CDH13: variants seen among roughly 807,000 people sequenced by gnomAD.
CDH13 encodes the protein cadherin-13.
Under a neutral mutation model 63.8 loss-of-function variants are expected in CDH13, and 24 were observed. That is an observed-to-expected ratio of 0.38 (90% CI 0.27 to 0.53). The LOEUF (loss-of-function observed/expected upper bound fraction) is 0.53. Among genes scored for constraint, CDH13 ranks in the 20% least tolerant of loss-of-function variants. The pLI, the probability that CDH13 is intolerant of heterozygous loss-of-function variation, is 0.85. For synonymous variants in CDH13, 503 were observed against 355.3 expected, an observed-to-expected ratio of 1.42 and a Z score of -4.67; for missense variants, 1,049 against 903.1, an observed-to-expected ratio of 1.16 and a Z score of -2.07.
chr16:83,498,293 G>C (rs2074194736), intron 7 of CDH13, among the ~76,000 whole-genome samples: 1 of 152,130 alleles, frequency 6.6e-6, no homozygotes, highest in Non-Finnish European at 1.5e-5. Context: ...GAAATAAGGA[G>C]AATCAGAGGA....
chr16:83,323,767 C>G (rs929139864), intron 5 of CDH13, among the ~76,000 whole-genome samples: 1 of 152,226 alleles, frequency 6.6e-6, no homozygotes, highest in African/African-American at 2.4e-5. Flanking sequence ...CTGCACCCCT[C>G]TAGTAGATTC....
At chr16:83,557,042 A>G (rs1025972779) in intron 7 of CDH13, among the ~76,000 whole-genome samples, 1 of 152,210 alleles carries the variant, frequency 6.6e-6, no homozygotes, top group Non-Finnish European at 1.5e-5. Flanking sequence ...ACGAAGCTTC[A>G]TCTGTGTTTA....
chr16:83,528,139 C>T (rs949686274), intron 7 of CDH13, among the ~76,000 whole-genome samples: 2 of 152,200 alleles, frequency 1.3e-5, no homozygotes, highest in African/African-American at 4.8e-5. Flanking sequence ...TAATAATCCT[C>T]TTAATAGCAG....
At chr16:83,355,011 C>G (rs1256486579) in intron 6 of CDH13, among the ~76,000 whole-genome samples, 1 of 152,180 alleles carries the variant, frequency 6.6e-6, no homozygotes, top group Non-Finnish European at 1.5e-5. Flanking sequence ...AAAAAGTTTG[C>G]AGACCCCTGG....
rs373187235 is a variant in CDH13 at position 82,683,423 on chromosome 16, C to T, written c.45+56286C>T. 1.3e-4 allele frequency among the ~76,000 whole-genome samples: 20 copies of T among 152,308 alleles called. No individual in the cohort carries two copies. The East Asian group carries it at 3.9e-3, about 29-fold the overall frequency. On this transcript the variant is annotated intron_variant, in intron 1 of 13. Transcript: ENST00000567109. Reference sequence around the variant, plus strand: ...CAAAGTGGCCATGCCATGAATCTTCCATAGCCCGATGCAATGTCACCCCAG... The same window carrying T: ...CAAAGTGGCCATGCCATGAATCTTCTATAGCCCGATGCAATGTCACCCCAG...
intron 1 of CDH13, among the ~76,000 whole-genome samples, chr16:82,767,273 C>T (rs566312668): frequency 3.3e-5 from 5 of 152,318 alleles, no homozygotes; most frequent in Admixed American, 6.5e-5. Flanking sequence ...GCAGAAAGTT[C>T]CCTCAAGCCT....
intron 2 of CDH13, among the ~76,000 whole-genome samples, chr16:83,005,032 C>G (rs1463128998): frequency 6.6e-6 from 1 of 152,140 alleles, no homozygotes; most frequent in African/African-American, 2.4e-5. Flanking sequence ...CCTAATGCTC[C>G]CTTTCATTCC....
intron 2 of CDH13, among the ~76,000 whole-genome samples, chr16:83,024,310 T>TG (rs1915606198): frequency 6.6e-6 from 1 of 152,210 alleles, no homozygotes; most frequent in African/African-American, 2.4e-5. Context: ...ACCTGGCATA[T>TG]TCAACAGGTA....
At chr16:83,614,502 G>T (rs1344304501) in intron 8 of CDH13, among the ~76,000 whole-genome samples, 1 of 152,220 alleles carries the variant, frequency 6.6e-6, no homozygotes, top group Admixed American at 6.5e-5. Context: ...TCTGGGAAAT[G>T]CCTTCAAGGG....
chr16:83,076,672 C>A (rs1406488142), intron 3 of CDH13, among the ~76,000 whole-genome samples: 1 of 151,964 alleles, frequency 6.6e-6, no homozygotes, highest in Non-Finnish European at 1.5e-5. Flanking sequence ...CTCTATACAT[C>A]CACCTTACTT....
intron 7 of CDH13, among the ~76,000 whole-genome samples, chr16:83,548,558 G>C (rs77542252): frequency 0.021 from 3,180 of 152,244 alleles, 133 homozygotes; most frequent in African/African-American, 0.073. Context: ...CAAGGTGAAA[G>C]GTCATGCCAT....
intron 4 of CDH13, among the ~76,000 whole-genome samples, chr16:83,142,630 G>T (rs1359930667): frequency 6.6e-6 from 1 of 152,168 alleles, no homozygotes; most frequent in Non-Finnish European, 1.5e-5. Context: ...GATTAATTAA[G>T]TATTTGTTCA....
intron 11 of CDH13, among the ~76,000 whole-genome samples, chr16:83,753,586 T>C (rs929424133): frequency 6.6e-6 from 1 of 152,274 alleles, no homozygotes; most frequent in East Asian, 1.9e-4. Flanking sequence ...CTCAACTTTA[T>C]CCAAAGTGAG....
At chr16:83,580,194 G>C (rs1183257299) in intron 7 of CDH13, among the ~76,000 whole-genome samples, 3 of 152,138 alleles carry the variant, frequency 2.0e-5, no homozygotes, top group African/African-American at 4.8e-5. Flanking sequence ...AAGTGTAGCA[G>C]AGTGATTGGC....
At chr16:83,472,045 C>A (rs1437400282) in intron 6 of CDH13, among the ~76,000 whole-genome samples, 1 of 152,184 alleles carries the variant, frequency 6.6e-6, no homozygotes, top group Non-Finnish European at 1.5e-5. Context: ...ATGCCTCTCC[C>A]GTCTTTTGAT....
chr16:83,293,174 C>G (rs1418734702), intron 5 of CDH13, among the ~76,000 whole-genome samples: 1 of 152,152 alleles, frequency 6.6e-6, no homozygotes, highest in Non-Finnish European at 1.5e-5. Flanking sequence ...TATGAGCGGT[C>G]TTTGCACTAC....
At chr16:82,807,169 T>C (rs1316288950) in intron 1 of CDH13, among the ~76,000 whole-genome samples, 1 of 151,914 alleles carries the variant, frequency 6.6e-6, no homozygotes, top group African/African-American at 2.4e-5. Context: ...ACACAACCAG[T>C]GTTCCAAATG....
chr16:83,038,314 T>A (rs1337783502), intron 3 of CDH13, among the ~76,000 whole-genome samples: 1 of 152,222 alleles, frequency 6.6e-6, no homozygotes, highest in African/African-American at 2.4e-5. Context: ...GAGGTCTGAT[T>A]GTTAATGACT....
intron 2 of CDH13, among the ~76,000 whole-genome samples, chr16:83,031,598 T>A (rs1395080976): frequency 1.3e-5 from 2 of 151,950 alleles, no homozygotes; most frequent in Non-Finnish European, 2.9e-5. Flanking sequence ...ATCTCCTACT[T>A]ATCTTCAATA....
Sources: gnomAD v4.1 joint callset for allele counts (sites outside exome capture counted in the v4.1 genomes callset) on GRCh38, gnomAD v4.1.1 for gene constraint, MANE v1.5 for transcripts, NCBI Gene and HGNC (gene_info 2026-07-23, HGNC 2026-07-21) for gene names.